The following ALK variants were observed in gnomAD, a reference collection of about 807,000 sequenced individuals.
ALK encodes ALK tyrosine kinase receptor.
A neutral mutation model predicts 163.1 loss-of-function variants in ALK; 74 were observed. The ratio of observed to expected loss-of-function variants is 0.45; its 90% CI spans 0.38 to 0.55. ALK has a LOEUF of 0.55. Among genes scored for constraint, ALK ranks in the 20% least tolerant of loss-of-function variants. The probability of loss-of-function intolerance (pLI) is 0.00; values close to 1 mark genes in which losing one functional copy is unlikely to be tolerated. For missense variants in ALK, 2,063 were observed against 2,105.3 expected, an observed-to-expected ratio of 0.98 and a Z score of 0.39; for synonymous variants, 960 against 843.2, an observed-to-expected ratio of 1.14 and a Z score of -2.40.
intron 4 of ALK, among the ~76,000 whole-genome samples, chr2:29,450,184 C>A (rs987776918): frequency 1.6e-4 from 24 of 152,100 alleles, no homozygotes; most frequent in Admixed American, 9.2e-4. Context: ...GCCCATGCAG[C>A]GAACAATAGA....
intron 3 of ALK, among the ~76,000 whole-genome samples, chr2:29,653,873 C>A (rs1187169842): frequency 6.6e-6 from 1 of 152,068 alleles, no homozygotes; most frequent in East Asian, 1.9e-4. Flanking sequence ...ACCAGCCTGT[C>A]CAACATGGCA....
chr2:29,849,947 G>C (rs1379454084), intron 1 of ALK, among the ~76,000 whole-genome samples: 1 of 152,112 alleles, frequency 6.6e-6, no homozygotes, highest in Non-Finnish European at 1.5e-5. Flanking sequence ...ACATACAACA[G>C]AGTACAACAG....
chr2:29,758,283 C>T (rs947023667), intron 1 of ALK, among the ~76,000 whole-genome samples: 1 of 152,084 alleles, frequency 6.6e-6, no homozygotes, highest in Admixed American at 6.6e-5. Context: ...GTGTTGTGCC[C>T]AGCCCCACGT....
intron 3 of ALK, among the ~76,000 whole-genome samples, chr2:29,583,760 C>T (rs897663584): frequency 1.3e-5 from 2 of 152,196 alleles, no homozygotes; most frequent in Non-Finnish European, 2.9e-5. Flanking sequence ...CTACACAAAA[C>T]CTGGGATGTT....
chr2:29,918,920 T>C (rs1667906998), intron 1 of ALK, among the ~76,000 whole-genome samples: 1 of 152,240 alleles, frequency 6.6e-6, no homozygotes, highest in South Asian at 2.1e-4. Context: ...TTCTGTGCCT[T>C]TCTTATTCAT....
intron 1 of ALK, among the ~76,000 whole-genome samples, chr2:29,892,961 G>C (rs1667181739): frequency 6.6e-6 from 1 of 152,082 alleles, no homozygotes; most frequent in Non-Finnish European, 1.5e-5. Context: ...ATTGTGCCCA[G>C]AGCCTGGCCA....
chr2:29,376,672 C>A (rs1311379291), intron 5 of ALK, among the ~76,000 whole-genome samples: 1 of 152,226 alleles, frequency 6.6e-6, no homozygotes, highest in Non-Finnish European at 1.5e-5. Context: ...CAAGCACAGA[C>A]TGAGGATCCT....
chr2:29,290,258 C>T (rs183643789), intron 9 of ALK, among the ~76,000 whole-genome samples: 3 of 152,346 alleles, frequency 2.0e-5, no homozygotes, highest in Admixed American at 2.0e-4. Context: ...ACCCTAGCTG[C>T]TCAGATGCGA....
At chr2:29,546,824 G>T (rs1038627726) in intron 3 of ALK, among the ~76,000 whole-genome samples, 1 of 152,070 alleles carries the variant, frequency 6.6e-6, no homozygotes, top group Non-Finnish European at 1.5e-5. Flanking sequence ...TTTCCTTGCA[G>T]GAGTCTCATA....
intron 3 of ALK, among the ~76,000 whole-genome samples, chr2:29,666,429 A>G (rs1450332076): frequency 6.6e-6 from 1 of 152,120 alleles, no homozygotes; most frequent in African/African-American, 2.4e-5. Context: ...CCCAGAAGTC[A>G]CTTGATCAAT....
At chr2:29,444,420 G>C (rs571451333) in intron 4 of ALK, among the ~76,000 whole-genome samples, 8 of 152,262 alleles carry the variant, frequency 5.3e-5, no homozygotes, top group East Asian at 1.9e-4. Context: ...TCAGCCCAAG[G>C]CTGCCTGATT....
At chr2:29,383,620 T>C (rs1668958405) in intron 5 of ALK, 112 bp downstream of exon 5, 4 of 1,460,898 alleles carry the variant, frequency 2.7e-6, no homozygotes, top group African/African-American at 1.4e-5. Flanking sequence ...CCCAGCCCAC[T>C]CTAGACTTTT....
chr2:29,432,748 T>C (rs2148075285), intron 4 of ALK, among the ~76,000 whole-genome samples: 1 of 152,172 alleles, frequency 6.6e-6, no homozygotes, highest in South Asian at 2.1e-4. Context: ...TTTTTTTTTT[T>C]TTTTTTAAAC....
chr2:29,827,102 G>A (rs1665224344), intron 1 of ALK, among the ~76,000 whole-genome samples: 1 of 152,208 alleles, frequency 6.6e-6, no homozygotes, highest in Non-Finnish European at 1.5e-5. Context: ...CATTTGATGG[G>A]TAACTATTGC....
In ALK at chr2:29,920,310, G is replaced by T. The variant is rs201290745; in HGVS notation, c.350C>A (p.Pro117Gln). The T allele has an allele frequency of 1.3e-6, 2 of 1,559,256 alleles. No homozygotes were observed. The highest frequency in any genetic ancestry group is 1.7e-6 in the Non-Finnish European group (2 of 1,153,116). ...CCTGGACAGCGTCCGGGCCTCTGCC[G>T]GGGCTGGTGAACCGGCGGTCCAGGA... ...GVSWTAGSPAPAEARTLSRVL... is the reference protein window; with the variant it reads ...GVSWTAGSPAQAEARTLSRVL... The change falls in exon 1 of 29, where the codon CCG becomes CAG. Residue 117 changes from proline (P) to glutamine (Q), a missense_variant. By Grantham distance (76) the Pro-to-Gln change is moderately conservative. This residue lies in a region of ALK where 987 missense variants were observed against 939.5 expected (regional missense o/e 1.05). Coordinates refer to ENST00000389048, the MANE Select transcript of ALK (RefSeq NM_004304.5).
chr2:29,259,372 C>T (rs1665027432), intron 11 of ALK, among the ~76,000 whole-genome samples: 1 of 152,108 alleles, frequency 6.6e-6, no homozygotes, highest in African/African-American at 2.4e-5. Context: ...CCTCTTTATC[C>T]CTTACTTCGT....
At chr2:29,373,495 C>T (rs191129999) in intron 5 of ALK, among the ~76,000 whole-genome samples, 3 of 152,278 alleles carry the variant, frequency 2.0e-5, no homozygotes, top group Non-Finnish European at 2.9e-5. Flanking sequence ...ACAATGACCT[C>T]GGCACACTCA....
Position 29,452,395 on chromosome 2 carries a change from C to G in ALK, c.1155-68536G>C, listed in dbSNP as rs1308071033. On this transcript the variant is annotated intron_variant, in intron 4 of 28. Coordinates refer to ENST00000389048, the MANE Select transcript of ALK (RefSeq NM_004304.5). Reference sequence around the variant, plus strand: ...TTAAATGTCCCGTCTTTAGAGAGGACTTCCTTGATGTGCCCTCTAAAGTAG... The same window carrying G: ...TTAAATGTCCCGTCTTTAGAGAGGAGTTCCTTGATGTGCCCTCTAAAGTAG... Among the ~76,000 whole-genome samples the G allele has an allele frequency of 2.7e-5, 4 of 150,242 alleles. No individual in the cohort carries two copies. The East Asian group carries it at 7.9e-4, about 30-fold the overall frequency.
Position 29,476,897 on chromosome 2 carries a change from A to T in ALK, c.1154+55018T>A, listed in dbSNP as rs904800244. ...GTTACTAATGACTCTCTGGGTATTG[A>T]TCACCTTGCCCTTTTATCGTTGGTT... On this transcript the variant is annotated intron_variant, in intron 4 of 28. Transcript: ENST00000389048. Among the ~76,000 whole-genome samples, 7 of 152,302 alleles carry T rather than the reference A, an allele frequency of 4.6e-5. No homozygotes were observed. The East Asian group carries it at 1.3e-3, about 29-fold the overall frequency.
Sources: gnomAD v4.1 joint callset for allele counts (sites outside exome capture counted in the v4.1 genomes callset) on GRCh38, gnomAD v4.1.1 for gene constraint, gnomAD v4.1.1 regional missense constraint, MANE v1.5 for transcripts, NCBI Gene and HGNC (gene_info 2026-07-23, HGNC 2026-07-21) for gene names.